Variants in CDH2 observed in about 807,000 individuals in gnomAD.
CDH2 encodes the protein cadherin-2.
CDH2 carries 17 observed loss-of-function variants against 92.0 expected under a neutral mutation model. That is an observed-to-expected ratio of 0.18 (90% CI 0.13 to 0.28). The LOEUF is 0.28. Ranked by LOEUF, CDH2 falls within the 10% of genes least tolerant of loss-of-function variation. CDH2 has a pLI of 1.00. For synonymous variants in CDH2, 419 were observed against 415.9 expected (o/e 1.01, Z -0.09); for missense variants, 862 against 1,133.1 (o/e 0.76, Z 3.44).
At chr18:28,159,868 G>C (rs1286648071) in intron 1 of CDH2, among the ~76,000 whole-genome samples, 1 of 152,098 alleles carries the variant, frequency 6.6e-6, no homozygotes, top group Non-Finnish European at 1.5e-5. Context: ...TGTTGGCCAG[G>C]CTGGTCTCGA....
intron 14 of CDH2, among the ~76,000 whole-genome samples, chr18:27,973,995 C>G (rs1035361349): frequency 2.0e-5 from 3 of 152,130 alleles, no homozygotes; most frequent in Non-Finnish European, 4.4e-5. Flanking sequence ...GTTAAGAAAC[C>G]AATAAATACA....
At chr18:28,110,565 T>C (rs2015394746) in intron 2 of CDH2, among the ~76,000 whole-genome samples, 1 of 152,162 alleles carries the variant, frequency 6.6e-6, no homozygotes, top group Non-Finnish European at 1.5e-5. Context: ...TGCAAGCTAC[T>C]GGGCCAATCT....
chr18:28,003,812 A>C lies in CDH2; in HGVS notation c.848-643T>G, dbSNP rs1003982981. On this transcript the variant is annotated intron_variant, in intron 6 of 15. Transcript: ENST00000269141. Reference sequence around the variant, plus strand: ...AATTTATTAGATATTTTGGAAAAGAAATCTTCAAAGCCTTTGTATCGAATT... The same window carrying C: ...AATTTATTAGATATTTTGGAAAAGACATCTTCAAAGCCTTTGTATCGAATT... Among the ~76,000 whole-genome samples, 6 of 152,376 alleles carry C rather than the reference A, an allele frequency of 3.9e-5. No homozygotes were observed. In the East Asian group the frequency reaches 1.2e-3, roughly 29 times the overall value.
rs1455907070 is a variant in CDH2 at position 28,013,866 on chromosome 18, C to T, written c.216G>A (p.Glu72=). The T allele has an allele frequency of 1.2e-6, 2 of 1,613,624 alleles. No homozygotes were observed. The highest frequency in any genetic ancestry group is 1.1e-5 in the South Asian group (1 of 91,080). Reference sequence around the variant, plus strand: ...CCTTAAAATCTGCAGGCTCACTGCTCTCATATTGTACTTTTCTTTTTCCAT... The same window carrying T: ...CCTTAAAATCTGCAGGCTCACTGCTTTCATATTGTACTTTTCTTTTTCCAT... ...NCNGKRKVQY[E]SSEPADFKVD... is the part of the protein sequence containing the mutation. The change falls in exon 3 of 16, where the codon GAG becomes GAA. Residue 72 remains glutamate, a synonymous_variant. Transcript: ENST00000269141.
intron 15 of CDH2, among the ~76,000 whole-genome samples, chr18:27,952,662 C>T (rs1228532804): frequency 2.0e-5 from 3 of 151,940 alleles, no homozygotes; most frequent in Admixed American, 6.6e-5. Context: ...AATGAATGGC[C>T]CTGCTTGAGG....
At chr18:28,105,922 G>C (rs1035616269) in intron 2 of CDH2, among the ~76,000 whole-genome samples, 1 of 152,166 alleles carries the variant, frequency 6.6e-6, no homozygotes, top group African/African-American at 2.4e-5. Flanking sequence ...TTAGTTAATT[G>C]AGGATTTATT....
chr18:28,042,516 A>C (rs940463537), intron 2 of CDH2, among the ~76,000 whole-genome samples: 6 of 152,178 alleles, frequency 3.9e-5, no homozygotes, highest in African/African-American at 1.4e-4. Context: ...CAAGGAGACA[A>C]GTTGTCTCAC....
intron 2 of CDH2, among the ~76,000 whole-genome samples, chr18:28,055,809 T>C (rs1363295907): frequency 6.6e-6 from 1 of 152,182 alleles, no homozygotes; most frequent in African/African-American, 2.4e-5. Flanking sequence ...TATTTGGGTC[T>C]ATTAGTTGAA....
At chr18:27,981,667 G>T (rs1471783663) in intron 14 of CDH2, among the ~76,000 whole-genome samples, 1 of 152,196 alleles carries the variant, frequency 6.6e-6, no homozygotes, top group Non-Finnish European at 1.5e-5. Context: ...ATGTAAATGT[G>T]CTTTGTAAAA....
At chr18:27,971,408 C>T (rs62101448) in intron 14 of CDH2, among the ~76,000 whole-genome samples, 3,664 of 146,176 alleles carry the variant, frequency 0.025, 59 homozygotes, top group South Asian at 0.05. Flanking sequence ...TTCCCTAAAA[C>T]GAAATATAGA....
At chr18:28,019,548 G>C (rs531328498) in intron 2 of CDH2, among the ~76,000 whole-genome samples, 1 of 151,996 alleles carries the variant, frequency 6.6e-6, no homozygotes, top group South Asian at 2.1e-4. Flanking sequence ...TGCAAAAAAC[G>C]CATTTGCAAA....
chr18:27,984,358 T>A (rs1463862110), intron 13 of CDH2, among the ~76,000 whole-genome samples: 1 of 152,190 alleles, frequency 6.6e-6, no homozygotes, highest in African/African-American at 2.4e-5. Context: ...TAAAGTACTT[T>A]CCAGTGGTTA....
intron 6 of CDH2, among the ~76,000 whole-genome samples, chr18:28,004,769 G>T (rs932533297): frequency 6.6e-6 from 1 of 152,072 alleles, no homozygotes; most frequent in Admixed American, 6.6e-5. Context: ...CTACTCTGAC[G>T]ATGTGACTTA....
intron 9 of CDH2, among the ~76,000 whole-genome samples, chr18:27,990,574 T>G (rs1420827707): frequency 6.6e-6 from 1 of 152,206 alleles, no homozygotes; most frequent in Non-Finnish European, 1.5e-5. Context: ...AAGATTTATG[T>G]TCACAAAACA....
chr18:28,022,234 C>T (rs542867914), intron 2 of CDH2, among the ~76,000 whole-genome samples: 1 of 151,866 alleles, frequency 6.6e-6, no homozygotes, highest in East Asian at 1.9e-4. Flanking sequence ...CAGGGCTTAC[C>T]AATCCTTTCC....
intron 2 of CDH2, among the ~76,000 whole-genome samples, chr18:28,043,453 T>TATAA (rs1214087194): frequency 2.3e-4 from 18 of 77,134 alleles, no homozygotes; most frequent in South Asian, 1.9e-3. Flanking sequence ...AAATTACTGA[T>TATAA]ATAAATAAAT....
intron 7 of CDH2, among the ~76,000 whole-genome samples, chr18:27,997,972 A>G (rs2012639598): frequency 6.6e-6 from 1 of 151,906 alleles, no homozygotes; most frequent in South Asian, 2.1e-4. Context: ...ACGCCTGGCT[A>G]ATTTTTTGTA....
intron 1 of CDH2, among the ~76,000 whole-genome samples, chr18:28,176,674 C>T (rs1254205013): frequency 4.6e-5 from 7 of 152,068 alleles, no homozygotes; most frequent in Non-Finnish European, 7.4e-5. Context: ...GGGACACCCC[C>T]CGCGAGCTTG....
intron 6 of CDH2, among the ~76,000 whole-genome samples, chr18:27,944,104 A>G (rs1343729736): frequency 3.9e-5 from 6 of 152,218 alleles, no homozygotes; most frequent in Admixed American, 6.5e-5. Flanking sequence ...TTCTCATTCA[A>G]TGTTTTGCTG....
Sources: gnomAD v4.1 joint callset for allele counts (sites outside exome capture counted in the v4.1 genomes callset) on GRCh38, gnomAD v4.1.1 for gene constraint, MANE v1.5 for transcripts, NCBI Gene and HGNC (gene_info 2026-07-23, HGNC 2026-07-21) for gene names.